Variants in LHFPL2 observed in about 807,000 individuals in gnomAD.
The protein encoded by LHFPL2 is LHFPL tetraspan subfamily member 2, also known as LHFPL tetraspan subfamily member 2 protein.
Under a neutral mutation model 17.5 loss-of-function variants are expected in LHFPL2, and 7 were observed. The observed-to-expected ratio is 0.40, with a 90% CI of 0.23 to 0.75. The LOEUF is 0.75. Among genes scored for constraint, LHFPL2 ranks in the 30% least tolerant of loss-of-function variants. The pLI is 0.37. For missense variants in LHFPL2, 241 were observed against 294.8 expected (o/e 0.82, Z 1.34); for synonymous variants, 134 against 116.2 (o/e 1.15, Z -0.99).
intron 3 of LHFPL2, among the ~76,000 whole-genome samples, chr5:78,521,781 C>G (rs1237184900): frequency 6.6e-6 from 1 of 152,214 alleles, no homozygotes; most frequent in Non-Finnish European, 1.5e-5. Context: ...CTCCTAATTT[C>G]CTGACTTTTG....
chr5:78,642,475 T>C (rs1047100371), intron 1 of LHFPL2, among the ~76,000 whole-genome samples: 4 of 152,104 alleles, frequency 2.6e-5, no homozygotes, highest in Non-Finnish European at 5.9e-5. Context: ...CATTTGAGGC[T>C]AAAGTCAAGG....
chr5:78,527,119 C>T (rs1165610750), intron 3 of LHFPL2, among the ~76,000 whole-genome samples: 3 of 152,152 alleles, frequency 2.0e-5, no homozygotes, highest in African/African-American at 7.2e-5. Context: ...AAGGAGAACT[C>T]CAGTTCCCCG....
At chr5:78,527,044 T>C (rs1452332350) in intron 3 of LHFPL2, among the ~76,000 whole-genome samples, 1 of 152,202 alleles carries the variant, frequency 6.6e-6, no homozygotes, top group African/African-American at 2.4e-5. Context: ...TCTGAGAAAC[T>C]CCAGAAGGTT....
chr5:78,532,442 G>T (rs556889095), intron 3 of LHFPL2, among the ~76,000 whole-genome samples: 26 of 152,204 alleles, frequency 1.7e-4, no homozygotes, highest in African/African-American at 6.0e-4. Flanking sequence ...AGCCATGGGG[G>T]ACTTAGGGAA....
intron 3 of LHFPL2, among the ~76,000 whole-genome samples, chr5:78,542,871 C>T (rs1042051766): frequency 2.0e-5 from 3 of 152,156 alleles, no homozygotes; most frequent in Admixed American, 2.0e-4. Context: ...TCCTTAAGTG[C>T]CAATGGTGAT....
At chr5:78,637,443 G>A (rs1454383203) in intron 1 of LHFPL2, among the ~76,000 whole-genome samples, 4 of 152,158 alleles carry the variant, frequency 2.6e-5, no homozygotes, top group Non-Finnish European at 2.9e-5. Flanking sequence ...AACTGGAAGA[G>A]CTCATAACCT....
At chr5:78,530,270 A>C (rs1274380485) in intron 3 of LHFPL2, among the ~76,000 whole-genome samples, 1 of 152,240 alleles carries the variant, frequency 6.6e-6, no homozygotes, top group East Asian at 1.9e-4. Flanking sequence ...CCATGTCTCT[A>C]ATAATCAAAT....
chr5:78,617,993 G>A (rs1473529988), intron 2 of LHFPL2, among the ~76,000 whole-genome samples: 9 of 151,980 alleles, frequency 5.9e-5, no homozygotes, highest in Admixed American at 2.0e-4. Context: ...ATTTGAGTTC[G>A]GAAGTTTGAG....
chr5:78,533,939 C>G (rs961094407), intron 3 of LHFPL2, among the ~76,000 whole-genome samples: 1 of 152,214 alleles, frequency 6.6e-6, no homozygotes, highest in African/African-American at 2.4e-5. Flanking sequence ...GGCCTGAGCC[C>G]TCCTGCAGCC....
chr5:78,584,703 C>T (rs1191419368), intron 2 of LHFPL2, among the ~76,000 whole-genome samples: 1 of 152,272 alleles, frequency 6.6e-6, no homozygotes, highest in African/African-American at 2.4e-5. Context: ...CAGACAGGGA[C>T]ATTTAAGTCT....
At chr5:78,594,208 CAAG>C (rs1188854047) in intron 2 of LHFPL2, among the ~76,000 whole-genome samples, 2 of 152,156 alleles carry the variant, frequency 1.3e-5, no homozygotes, top group East Asian at 3.8e-4. Context: ...TAACACTAGA[CAAG>C]AAGAGAGGCT....
At chr5:78,600,938 G>A (rs2112472832) in intron 2 of LHFPL2, among the ~76,000 whole-genome samples, 1 of 152,200 alleles carries the variant, frequency 6.6e-6, no homozygotes, top group East Asian at 1.9e-4. Context: ...ACTCAAATTA[G>A]CTGTTTAAAA....
At chr5:78,645,478 T>C (rs1191905196) in intron 1 of LHFPL2, among the ~76,000 whole-genome samples, 1 of 151,748 alleles carries the variant, frequency 6.6e-6, no homozygotes, top group Non-Finnish European at 1.5e-5. Flanking sequence ...CACTTTTCTC[T>C]TGGGCACAAT....
intron 2 of LHFPL2, among the ~76,000 whole-genome samples, chr5:78,595,608 G>C (rs1177789133): frequency 1.3e-5 from 2 of 152,116 alleles, no homozygotes; most frequent in Admixed American, 6.6e-5. Flanking sequence ...AACTCCTGGG[G>C]TCAAGCAATT....
chr5:78,535,917 A>G (rs895892713), intron 3 of LHFPL2, among the ~76,000 whole-genome samples: 6 of 152,314 alleles, frequency 3.9e-5, no homozygotes, highest in Admixed American at 1.3e-4. Flanking sequence ...CAGAGTTCTG[A>G]GCATCAGAAT....
intron 2 of LHFPL2, among the ~76,000 whole-genome samples, chr5:78,565,831 T>C (rs1034188180): frequency 6.6e-6 from 1 of 152,234 alleles, no homozygotes; most frequent in Non-Finnish European, 1.5e-5. Flanking sequence ...CAAAGCCTAT[T>C]CATCACCTCC....
intron 2 of LHFPL2, among the ~76,000 whole-genome samples, chr5:78,579,174 G>A (rs752875041): frequency 2.4e-4 from 37 of 152,240 alleles, no homozygotes; most frequent in African/African-American, 7.7e-4. Context: ...ACAATAAGGT[G>A]ACCCAAGTTT....
rs114695015 is a variant in LHFPL2, at chr5:78,505,853, T to A, written c.430+3931A>T. 2.3e-3 allele frequency among the ~76,000 whole-genome samples: 346 copies of A among 152,364 alleles called. 2 individuals carry two copies. The highest frequency in any genetic ancestry group is 7.9e-3 in the African/African-American group (330 of 41,568). ...TCTCATATATTATCTAACTTAATCC[T>A]CAGAACAGTCCTGAGGTATAAACCT... On this transcript the variant is annotated intron_variant, in intron 4 of 4. Coordinates refer to ENST00000380345, the MANE Select transcript of LHFPL2 (RefSeq NM_005779.3).
intron 2 of LHFPL2, among the ~76,000 whole-genome samples, chr5:78,572,454 G>A (rs1450614392): frequency 6.7e-6 from 1 of 149,884 alleles, no homozygotes; most frequent in Non-Finnish European, 1.5e-5. Flanking sequence ...GTATATATAT[G>A]TATGTGTATA....
Sources: gnomAD v4.1 joint callset for allele counts (sites outside exome capture counted in the v4.1 genomes callset) on GRCh38, gnomAD v4.1.1 for gene constraint, MANE v1.5 for transcripts, NCBI Gene and HGNC (gene_info 2026-07-23, HGNC 2026-07-21) for gene names.